Variants in KLHL29 observed in about 807,000 individuals in gnomAD.
The protein encoded by KLHL29 is kelch-like protein 29.
A neutral mutation model predicts 80.4 loss-of-function variants in KLHL29; 21 were observed. That is an observed-to-expected ratio of 0.26 (90% confidence interval 0.19 to 0.38). The LOEUF (loss-of-function observed/expected upper bound fraction) is 0.38, where lower values mean the gene tolerates loss of function less well. KLHL29 is among the 10% of genes least tolerant of loss of function. KLHL29 has a pLI of 1.00. For synonymous variants in KLHL29, 511 were observed against 526.8 expected, an observed-to-expected ratio of 0.97 and a Z score of 0.41; for missense variants, 867 against 1,223.9, an observed-to-expected ratio of 0.71 and a Z score of 4.35.
intron 11 of KLHL29, among the ~76,000 whole-genome samples, chr2:23,702,479 T>G (rs1672462518): frequency 6.6e-6 from 1 of 152,208 alleles, no homozygotes; most frequent in Non-Finnish European, 1.5e-5. Context: ...CTGTCTGCAC[T>G]ATAAATTCTC....
At chr2:23,558,837 A>C (rs536053628) in intron 2 of KLHL29, among the ~76,000 whole-genome samples, 2 of 152,384 alleles carry the variant, frequency 1.3e-5, no homozygotes, top group Admixed American at 6.5e-5. Context: ...AGCAATGAAG[A>C]AAAAACAAGC....
chr2:23,512,973 G>A (rs1653773), intron 2 of KLHL29, among the ~76,000 whole-genome samples: 71,121 of 152,238 alleles, frequency 0.47, 17,671 homozygotes, highest in Non-Finnish European at 0.56. Flanking sequence ...CACACAGGCC[G>A]TGGGCTGTGG....
chr2:23,644,329 A>T (rs1669861134), intron 5 of KLHL29: 1 of 152,006 alleles, frequency 6.6e-6, no homozygotes, highest in Non-Finnish European at 1.5e-5. Context: ...TGAGTTACCA[A>T]CTCTGACAAC....
intron 3 of KLHL29, among the ~76,000 whole-genome samples, chr2:23,629,324 A>G (rs1669410177): frequency 6.6e-6 from 1 of 151,774 alleles, no homozygotes; most frequent in Non-Finnish European, 1.5e-5. Flanking sequence ...GGGGAGCTGA[A>G]GCGCAGGAAA....
At chr2:23,582,206 C>T (rs1443044097) in intron 3 of KLHL29, among the ~76,000 whole-genome samples, 3 of 152,186 alleles carry the variant, frequency 2.0e-5, no homozygotes, top group Admixed American at 6.5e-5. Flanking sequence ...AGGGCTGCTG[C>T]TGTTTTATGG....
chr2:23,441,748 C>T lies in KLHL29; in HGVS notation c.-153-33812C>T, dbSNP rs113558792. Reference sequence around the variant, plus strand: ...CTGCTGTTGACCACAGCTTCAGTTCCTTTCCATGTGGCCTCTCCATGTGGT... The same window carrying T: ...CTGCTGTTGACCACAGCTTCAGTTCTTTTCCATGTGGCCTCTCCATGTGGT... On this transcript the variant is annotated intron_variant, in intron 1 of 13. Transcript: ENST00000486442. Among the ~76,000 whole-genome samples the T allele has an allele frequency of 6.8e-3, 1,036 of 152,280 alleles. 8 individuals carry two copies. Among genetic ancestry groups the T allele is most frequent in the African/African-American group, 0.019 (783 of 41,558 alleles).
chr2:23,686,704 C>A (rs770400712), intron 6 of KLHL29, among the ~76,000 whole-genome samples: 2 of 152,078 alleles, frequency 1.3e-5, no homozygotes, highest in African/African-American at 4.8e-5. Flanking sequence ...AGCAGCCTGA[C>A]GGACGCCCAG....
At chr2:23,543,479 C>G (rs562640055) in intron 2 of KLHL29, among the ~76,000 whole-genome samples, 1 of 152,306 alleles carries the variant, frequency 6.6e-6, no homozygotes, top group East Asian at 1.9e-4. Context: ...TTTCTTGTTT[C>G]TTCTCCCGGA....
At chr2:23,636,601 T>C (rs1164029652) in intron 3 of KLHL29, among the ~76,000 whole-genome samples, 1 of 152,166 alleles carries the variant, frequency 6.6e-6, no homozygotes, top group Non-Finnish European at 1.5e-5. Flanking sequence ...TATTGAGTCC[T>C]CCCACTGTCC....
intron 3 of KLHL29, among the ~76,000 whole-genome samples, chr2:23,601,586 C>T (rs1668573818): frequency 6.6e-6 from 1 of 152,154 alleles, no homozygotes; most frequent in African/African-American, 2.4e-5. Flanking sequence ...TAGCCATGCA[C>T]CCAACCTCAT....
At position 23,403,726 on chromosome 2, in the gene KLHL29, A is replaced by AGAGTGTGT. The variant is rs534136885; in HGVS notation, c.-154+17947_-154+17948insAGTGTGTG. Among the ~76,000 whole-genome samples, 699 of 144,096 alleles carry AGAGTGTGT rather than the reference A, an allele frequency of 4.9e-3. 6 individuals carry two copies. The highest frequency in any genetic ancestry group is 0.016 in the African/African-American group (599 of 37,704). The allele number at this position is 144,096 out of a possible 152,430, so 94.5% of individuals were successfully genotyped here. A position where few individuals can be genotyped will look rare whatever the true frequency, so the allele number is the denominator to read the frequency against. The stretch of plus-strand genomic sequence containing the variant: ...ATGAAACCCAAAGAGAGAGAGAGAG[A>AGAGTGTGT]GTGTGTGTGTGTGTGTGTGTGTGTG... On this transcript the variant is annotated intron_variant, in intron 1 of 13. Coordinates refer to ENST00000486442, the MANE Select transcript of KLHL29 (RefSeq NM_052920.2).
chr2:23,387,503 A>ATTT (rs202181619), intron 1 of KLHL29, among the ~76,000 whole-genome samples: 115 of 80,044 alleles, frequency 1.4e-3, no homozygotes, highest in African/African-American at 3.9e-3. Context: ...CTCATTCCTG[A>ATTT]TTTATTATTA....
At chr2:23,639,628 C>T (rs1296584546) in intron 4 of KLHL29, among the ~76,000 whole-genome samples, 3 of 152,048 alleles carry the variant, frequency 2.0e-5, no homozygotes, top group African/African-American at 7.2e-5. Context: ...AAGGTTTTTA[C>T]TTGCTGGTGG....
intron 5 of KLHL29, chr2:23,667,867 C>G (rs1670597456): frequency 6.6e-6 from 1 of 152,366 alleles, no homozygotes. Context: ...GGGAGACCAC[C>G]CAGCCCCGCC....
At chr2:23,483,021 G>A (rs574684127) in intron 2 of KLHL29, among the ~76,000 whole-genome samples, 1 of 152,258 alleles carries the variant, frequency 6.6e-6, no homozygotes, top group Non-Finnish European at 1.5e-5. Flanking sequence ...ATTCTTATGT[G>A]GCAAATATGT....
chr2:23,706,856 C>A lies in KLHL29; in HGVS notation c.*192C>A. The A allele has an allele frequency of 1.9e-6, 1 of 513,104 alleles. No individual in the cohort carries two copies. The highest frequency in any genetic ancestry group is 3.3e-6 in the Non-Finnish European group (1 of 304,282). 31.8% of individuals were successfully genotyped at this position (513,104 alleles called of 1,614,324 possible). On this transcript the variant is annotated 3_prime_UTR_variant, in exon 14 of 14. Transcript: ENST00000486442. ...TCGCCTTTGGATGAAACGGAGGCACCGCGCTTGGAGCCGCAGGAACCACGA... is the reference window on the plus strand; with the variant it reads ...TCGCCTTTGGATGAAACGGAGGCACAGCGCTTGGAGCCGCAGGAACCACGA...
At chr2:23,513,683 G>A (rs540513397) in intron 2 of KLHL29, among the ~76,000 whole-genome samples, 25 of 152,080 alleles carry the variant, frequency 1.6e-4, no homozygotes, top group Non-Finnish European at 2.8e-4. Flanking sequence ...TCCTTCCCAC[G>A]TCACTCAGAG....
At chr2:23,410,403 G>A (rs999645725) in intron 1 of KLHL29, among the ~76,000 whole-genome samples, 2 of 152,174 alleles carry the variant, frequency 1.3e-5, no homozygotes, top group African/African-American at 2.4e-5. Context: ...CTGGATGGAT[G>A]TGGTGCTGTG....
chr2:23,422,931 C>A (rs1662864400), intron 1 of KLHL29, among the ~76,000 whole-genome samples: 1 of 152,238 alleles, frequency 6.6e-6, no homozygotes, highest in Non-Finnish European at 1.5e-5. Flanking sequence ...AGTCACTCGC[C>A]CACACCTCTG....
Sources: allele counts gnomAD v4.1 joint callset (sites outside exome capture counted in the v4.1 genomes callset), GRCh38; gene constraint gnomAD v4.1.1; transcripts MANE v1.5; gene names NCBI Gene and HGNC (gene_info 2026-07-23, HGNC 2026-07-21).